The following ANKRD30A variants were observed in gnomAD, a reference collection of about 807,000 sequenced individuals.
ANKRD30A encodes the protein ankyrin repeat domain 30A.
In ANKRD30A, 170 loss-of-function variants were observed where a neutral mutation model predicts 166.3. That is an observed-to-expected ratio of 1.02 (90% CI 0.90 to 1.16). ANKRD30A has a LOEUF of 1.16. Among genes scored for constraint, ANKRD30A ranks in the 50% most tolerant of loss-of-function variants. ANKRD30A has a pLI of 0.00. For missense variants in ANKRD30A, 1,630 were observed against 1,518.0 expected, an observed-to-expected ratio of 1.07 and a Z score of -1.23; for synonymous variants, 564 against 508.9, an observed-to-expected ratio of 1.11 and a Z score of -1.46.
chr10:37,218,671 CTTTTA>C (rs1428879443), intron 33 of ANKRD30A, among the ~76,000 whole-genome samples: 1 of 150,376 alleles, frequency 6.6e-6, no homozygotes, highest in Non-Finnish European at 1.5e-5. Context: ...ATTGATTTAT[CTTTTA>C]TTTTATGCTT....
At chr10:37,172,543 C>G (rs202216477) in intron 21 of ANKRD30A, among the ~76,000 whole-genome samples, 1 of 83,042 alleles carries the variant, frequency 1.2e-5, no homozygotes, top group Non-Finnish European at 2.5e-5. Flanking sequence ...TTTTTAATTT[C>G]TTTTTTTTTT....
intron 5 of ANKRD30A, among the ~76,000 whole-genome samples, chr10:37,134,500 G>A (rs573826668): frequency 1.3e-5 from 2 of 152,338 alleles, no homozygotes; most frequent in African/African-American, 4.8e-5. Context: ...TGCCCCTGCA[G>A]TCTAGTAATG....
At chr10:37,254,412 T>G in the ANKRD30A span, among the ~76,000 whole-genome samples, 1 of 152,178 alleles carries the variant, frequency 6.6e-6, no homozygotes, top group East Asian at 1.9e-4. Context: ...GGCACACTAT[T>G]GGGTGTTAAG....
At chr10:37,217,245 A>G (rs928908615) in intron 32 of ANKRD30A, among the ~76,000 whole-genome samples, 1 of 150,974 alleles carries the variant, frequency 6.6e-6, no homozygotes, top group Non-Finnish European at 1.5e-5. Context: ...GATACTTGCC[A>G]TATTTTAGAA....
At chr10:37,148,106 TG>T (rs1837642090) in intron 9 of ANKRD30A, among the ~76,000 whole-genome samples, 3 of 151,374 alleles carry the variant, frequency 2.0e-5, no homozygotes, top group African/African-American at 7.3e-5. Flanking sequence ...CTGAATACCT[TG>T]TTAATACACA....
chr10:37,205,360 A>G (rs866555265), intron 31 of ANKRD30A, among the ~76,000 whole-genome samples: 1 of 151,906 alleles, frequency 6.6e-6, no homozygotes, highest in South Asian at 2.1e-4. Flanking sequence ...CAGAAAACCA[A>G]ACATCACATG....
At chr10:37,264,685 A>G in the ANKRD30A span, 37 of 192,850 alleles carry the variant, frequency 1.9e-4, no homozygotes, top group African/African-American at 7.4e-4. Context: ...TGTGATAACA[A>G]TGTTTCTCCA....
At chr10:37,200,981 T>A (rs1207592839) in intron 30 of ANKRD30A, among the ~76,000 whole-genome samples, 2 of 152,066 alleles carry the variant, frequency 1.3e-5, no homozygotes, top group African/African-American at 2.4e-5. Flanking sequence ...ATTGAATTTT[T>A]TCGTGTATAT....
chr10:37,199,107 G>A (rs989353461), intron 29 of ANKRD30A, among the ~76,000 whole-genome samples: 1 of 152,044 alleles, frequency 6.6e-6, no homozygotes, highest in Non-Finnish European at 1.5e-5. Flanking sequence ...GAAGAAGTAT[G>A]TCATTGTAAT....
In ANKRD30A at chr10:37,216,169, T is replaced by C. The variant is rs763342480; in HGVS notation, c.2870-12T>C. On this transcript the variant is annotated splice_polypyrimidine_tract_variant and intron_variant, in intron 31 of 35. Coordinates refer to ENST00000361713, the MANE Select transcript of ANKRD30A (RefSeq NM_052997.3). Reference sequence around the variant, plus strand: ...ACTAATATATTTTATTTGTATCTCCTCCTTGAGACAGATTCAACTAGCCTA... The same window carrying C: ...ACTAATATATTTTATTTGTATCTCCCCCTTGAGACAGATTCAACTAGCCTA... The C allele has an allele frequency of 1.9e-6, 3 of 1,547,888 alleles. No homozygotes were observed. In the South Asian group the frequency reaches 3.5e-5, roughly 18 times the overall value.
intron 15 of ANKRD30A, among the ~76,000 whole-genome samples, chr10:37,161,117 G>T (rs185079605): frequency 1.3e-5 from 2 of 152,260 alleles, no homozygotes; most frequent in East Asian, 3.9e-4. Flanking sequence ...AGTCGGACGT[G>T]GTGGCACGCA....
downstream of ANKRD30A, among the ~76,000 whole-genome samples, chr10:37,234,714 A>T (rs1002752067): frequency 1.3e-5 from 2 of 152,198 alleles, no homozygotes; most frequent in South Asian, 4.1e-4. Flanking sequence ...CTGACTCAAA[A>T]ATTTTCTAAT....
intron 6 of ANKRD30A, among the ~76,000 whole-genome samples, chr10:37,138,396 A>T (rs1197622227): frequency 6.6e-6 from 1 of 152,226 alleles, no homozygotes; most frequent in East Asian, 1.9e-4. Context: ...TGGTGAGTTG[A>T]GAGAAGAAGG....
At chr10:37,171,672 G>A (rs539738342) in intron 21 of ANKRD30A, among the ~76,000 whole-genome samples, 1 of 151,374 alleles carries the variant, frequency 6.6e-6, no homozygotes, top group East Asian at 1.9e-4. Context: ...AATGTCTGAA[G>A]TTGCACCTCT....
chr10:37,154,791 A>G (rs542186916), intron 13 of ANKRD30A, among the ~76,000 whole-genome samples: 1 of 152,104 alleles, frequency 6.6e-6, no homozygotes. Flanking sequence ...CATTTAGAAA[A>G]GTTTTACTGC....
intron 27 of ANKRD30A, among the ~76,000 whole-genome samples, chr10:37,195,724 C>T (rs1055879190): frequency 9.2e-5 from 14 of 152,164 alleles, no homozygotes; most frequent in African/African-American, 3.4e-4. Flanking sequence ...GAAACCCTGT[C>T]TCTACTAAAA....
chr10:37,190,053 C>T (rs1840405482), intron 25 of ANKRD30A, among the ~76,000 whole-genome samples: 2 of 151,766 alleles, frequency 1.3e-5, no homozygotes, highest in South Asian at 4.2e-4. Flanking sequence ...TTGTGGGAAG[C>T]CATTAGGGAT....
At chr10:37,206,523 C>A (rs998379334) in intron 31 of ANKRD30A, among the ~76,000 whole-genome samples, 4 of 152,286 alleles carry the variant, frequency 2.6e-5, no homozygotes, top group African/African-American at 9.6e-5. Context: ...GGCCCGGTGG[C>A]TCATGCCTGT....
the ANKRD30A span, among the ~76,000 whole-genome samples, chr10:37,250,534 T>C: frequency 6.6e-6 from 1 of 152,110 alleles, no homozygotes; most frequent in Non-Finnish European, 1.5e-5. Context: ...GTGATCTGAA[T>C]GTTTGTGCTC....
Sources: gnomAD v4.1 joint callset for allele counts (sites outside exome capture counted in the v4.1 genomes callset) on GRCh38, gnomAD v4.1.1 for gene constraint, MANE v1.5 for transcripts, NCBI Gene and HGNC (gene_info 2026-07-23, HGNC 2026-07-21) for gene names.